NPM1: variants seen among roughly 807,000 people sequenced by gnomAD.
The protein encoded by NPM1 is nucleophosmin 1.
Under a neutral mutation model 44.1 loss-of-function variants are expected in NPM1, and 1 was observed. The observed-to-expected ratio is 0.02, with a 90% CI of 0.01 to 0.11. The LOEUF (loss-of-function observed/expected upper bound fraction) is 0.11. Among genes scored for constraint, NPM1 ranks in the 10% least tolerant of loss-of-function variants. NPM1 has a pLI of 1.00. For missense variants in NPM1, 197 were observed against 347.8 expected (o/e 0.57, Z 3.45); for synonymous variants, 126 against 111.8 (o/e 1.13, Z -0.80).
At chr5:171,407,263 T>C (rs1383578777) in intron 9 of NPM1, 1 of 171,302 alleles carries the variant, frequency 5.8e-6, no homozygotes, top group Non-Finnish European at 1.2e-5. Flanking sequence ...AACCAGTTTG[T>C]GGTCAGCAAG....
chr5:171,406,884 A>C (rs1771602032), intron 9 of NPM1: 1 of 197,396 alleles, frequency 5.1e-6, no homozygotes, highest in Admixed American at 6.3e-5. Context: ...TGCATAAAAG[A>C]TACTTAGAGG....
intron 4 of NPM1, 114 bp downstream of exon 4, chr5:171,391,913 C>A: frequency 3.2e-5 from 16 of 495,414 alleles, no homozygotes; most frequent in South Asian, 3.3e-5. Context: ...TAATAGGTTC[C>A]AATGTGAGTC....
intron 8 of NPM1, 45 bp downstream of exon 8, chr5:171,400,970 G>GA: frequency 7.7e-7 from 1 of 1,298,216 alleles, no homozygotes; most frequent in Non-Finnish European, 1.1e-6. Context: ...TCTAGTTGGG[G>GA]AAAAAGATTC....
Position 171,404,075 on chromosome 5 carries a change from G to A in NPM1, c.670-1227G>A, listed in dbSNP as rs1376472254. Among the ~76,000 whole-genome samples, 416 of 67,564 alleles carry A rather than the reference G, an allele frequency of 6.2e-3. 11 individuals are homozygous for A. Among genetic ancestry groups the A allele is most frequent in the Non-Finnish European group, 8.9e-3 (300 of 33,544 alleles). The allele number at this position is 67,564 out of a possible 152,430, so 44.3% of individuals were successfully genotyped here. Reference sequence around the variant, plus strand: ...CACCTCCCGGACGGGGCGGCTGGCCGGGCGGGGGGCTGACCCCCCCACCTC... The same window carrying A: ...CACCTCCCGGACGGGGCGGCTGGCCAGGCGGGGGGCTGACCCCCCCACCTC... On this transcript the variant is annotated intron_variant, in intron 8 of 10. Coordinates refer to ENST00000296930, the MANE Select transcript of NPM1 (RefSeq NM_002520.7).
intron 1 of NPM1, 59 bp from the exon 2 acceptor site, chr5:171,389,992 C>A: frequency 1.9e-6 from 2 of 1,048,884 alleles, no homozygotes; most frequent in Non-Finnish European, 2.9e-6. Flanking sequence ...TGGTTACCCA[C>A]ACTTAAGTTT....
chr5:171,405,194 T>TTTATA (rs1196101198), intron 8 of NPM1, 108 bp from the exon 9 acceptor site: 4 of 639,540 alleles, frequency 6.3e-6, no homozygotes, highest in Non-Finnish European at 1.1e-5. Flanking sequence ...TATAATTAGC[T>TTTATA]TTATAAGGGA....
At chr5:171,401,359 A>T (rs967287397) in intron 8 of NPM1, among the ~76,000 whole-genome samples, 1 of 152,100 alleles carries the variant, frequency 6.6e-6, no homozygotes, top group Non-Finnish European at 1.5e-5. Context: ...TCCAAAAAAA[A>T]AAATCAGCTT....
intron 1 of NPM1, 72 bp downstream of exon 1, chr5:171,388,078 G>GTGGGGGTGTGGGGGGGGGTGTGGGGGGGT: frequency 1.6e-6 from 1 of 616,752 alleles, no homozygotes; most frequent in Non-Finnish European, 3.0e-6. Flanking sequence ...TGAGGGGCGG[G>GTGGGGGTGTGGGGGGGGGTGTGGGGGGGT]AATCCGGCTG....
At chr5:171,407,428 C>T (rs1447069109) in intron 9 of NPM1, 13 of 405,638 alleles carry the variant, frequency 3.2e-5, no homozygotes, top group Non-Finnish European at 4.8e-5. Context: ...GTTTGTTTGT[C>T]GAATCTCAAG....
At chr5:171,407,321 A>G (rs1295141533) in intron 9 of NPM1, among the ~76,000 whole-genome samples, 1 of 152,208 alleles carries the variant, frequency 6.6e-6, no homozygotes, top group Non-Finnish European at 1.5e-5. Flanking sequence ...AGTTTGGGTC[A>G]CTTGACATGG....
At position 171,387,904 on chromosome 5, in the gene NPM1, A is replaced by G. The variant is rs757830185; in HGVS notation, c.-45A>G. On this transcript the variant is annotated 5_prime_UTR_variant, in exon 1 of 11. Transcript: ENST00000296930. The stretch of plus-strand genomic sequence containing the variant: ...TTGTTCTCTGGAGCAGCGTTCTTTT[A>G]TCTCCGTCCGCCTTCTCTCCTACCT... 4 of 1,586,704 alleles carry G rather than the reference A, an allele frequency of 2.5e-6. No individual in the cohort carries two copies. Among genetic ancestry groups the G allele is most frequent in the Non-Finnish European group, 3.5e-6 (4 of 1,157,148 alleles).
intron 7 of NPM1, among the ~76,000 whole-genome samples, chr5:171,400,459 CCT>C (rs1491362902): frequency 7.6e-6 from 1 of 131,332 alleles, no homozygotes; most frequent in African/African-American, 2.9e-5. Context: ...CTTTTTCCTT[CCT>C]TTTTTTTTTT....
intron 9 of NPM1, chr5:171,406,577 T>C (rs1771581046): frequency 1.4e-6 from 2 of 1,431,210 alleles, no homozygotes; most frequent in African/African-American, 2.8e-5. Context: ...GGAAACAATC[T>C]CTTGGTTCCC....
Position 171,394,250 on chromosome 5 carries a change from G to A in NPM1, c.524+1272G>A, listed in dbSNP as rs912641842. 5.3e-5 allele frequency among the ~76,000 whole-genome samples: 8 copies of A among 152,004 alleles called. No individual in the cohort carries two copies. In the East Asian group the frequency reaches 9.7e-4, roughly 18 times the overall value. On this transcript the variant is annotated intron_variant, in intron 6 of 10. Coordinates refer to ENST00000296930, the MANE Select transcript of NPM1 (RefSeq NM_002520.7). ...AGACAGGGTTTCAGTATGTTGGTCC[G>A]GCTGGTCTTGAACTCCTAACCTCGT...
At chr5:171,387,500 CAGG>C, upstream of NPM1, 1 of 200,480 alleles carries the variant, frequency 5.0e-6, no homozygotes, top group Admixed American at 6.0e-5. Context: ...CGCCATTTTG[CAGG>C]GTGGGCTGCG....
intron 6 of NPM1, among the ~76,000 whole-genome samples, chr5:171,398,015 A>T (rs1332349464): frequency 2.0e-5 from 3 of 150,880 alleles, no homozygotes; most frequent in East Asian, 1.9e-4. Flanking sequence ...CTGGTCTTGA[A>T]CTCCTGAGGT....
chr5:171,401,147 C>G lies in NPM1; in HGVS notation c.669+222C>G, dbSNP rs571748117. Reference sequence around the variant, plus strand: ...CAAGGTGGGTGGGATCACCTGAGGTCAGGAGTTTGAGACTAGCCCGGCCAA... The same window carrying G: ...CAAGGTGGGTGGGATCACCTGAGGTGAGGAGTTTGAGACTAGCCCGGCCAA... On this transcript the variant is annotated intron_variant, in intron 8 of 10. Transcript: ENST00000296930. Among the ~76,000 whole-genome samples the G allele has an allele frequency of 1.5e-3, 221 of 152,070 alleles. 2 individuals are homozygous for G. Among genetic ancestry groups the G allele is most frequent in the African/African-American group, 5.0e-3 (208 of 41,474 alleles).
intron 6 of NPM1, among the ~76,000 whole-genome samples, chr5:171,397,079 T>C (rs895973834): frequency 6.6e-6 from 1 of 152,190 alleles, no homozygotes; most frequent in Non-Finnish European, 1.5e-5. Context: ...ACTCTATAGG[T>C]ATTACCCCTC....
intron 1 of NPM1, among the ~76,000 whole-genome samples, chr5:171,389,144 T>G (rs1002377316): frequency 1.3e-5 from 2 of 152,220 alleles, no homozygotes; most frequent in African/African-American, 4.8e-5. Context: ...CCCACTTGGG[T>G]TTTTGATCTC....
Sources: gnomAD v4.1 joint callset for allele counts (sites outside exome capture counted in the v4.1 genomes callset) on GRCh38, gnomAD v4.1.1 for gene constraint, MANE v1.5 for transcripts, NCBI Gene and HGNC (gene_info 2026-07-23, HGNC 2026-07-21) for gene names.